DIAPH1: variants seen among roughly 807,000 people sequenced by gnomAD.
The protein encoded by DIAPH1 is diaphanous related formin 1.
Under a neutral mutation model 140.7 loss-of-function variants are expected in DIAPH1, and 46 were observed. The observed-to-expected ratio is 0.33, with a 90% CI of 0.26 to 0.42. The LOEUF (loss-of-function observed/expected upper bound fraction) is 0.42, where lower values mean the gene tolerates loss of function less well. DIAPH1 is among the 10% of genes least tolerant of loss of function. DIAPH1 has a pLI of 1.00. For missense variants in DIAPH1, 1,310 were observed against 1,558.7 expected (o/e 0.84, Z 2.69); for synonymous variants, 565 against 551.6 (o/e 1.02, Z -0.34).
chr5:141,563,327 T>G (rs977243022), intron 18 of DIAPH1: 4 of 152,194 alleles, frequency 2.6e-5, no homozygotes, highest in African/African-American at 9.7e-5. Flanking sequence ...TGTTTCCTAA[T>G]CAATCTCATA....
At chr5:141,517,029 T>C (rs368448851) in intron 27 of DIAPH1, 21 bp from the exon 28 acceptor site, 66 of 1,613,862 alleles carry the variant, frequency 4.1e-5, no homozygotes, top group Non-Finnish European at 5.3e-5. Flanking sequence ...AGACGAGAGA[T>C]TCTGTCTATG....
At chr5:141,527,518 A>C (rs369611374) in intron 24 of DIAPH1, 55 bp downstream of exon 24, 7 of 1,603,062 alleles carry the variant, frequency 4.4e-6, no homozygotes, top group Non-Finnish European at 6.0e-6. Flanking sequence ...CCCCCACTAC[A>C]GGAAGTTTTC....
intron 1 of DIAPH1, among the ~76,000 whole-genome samples, chr5:141,606,163 GAAA>G (rs2099900915): frequency 6.6e-6 from 1 of 151,998 alleles, no homozygotes; most frequent in African/African-American, 2.4e-5. Context: ...ATGTGCTTAT[GAAA>G]AAAATGGTGC....
In DIAPH1 at chr5:141,527,405, G is replaced by A. The variant is rs1216932600; in HGVS notation, c.3273+168C>T. Among the ~76,000 whole-genome samples, 3 of 152,090 alleles carry A rather than the reference G, an allele frequency of 2.0e-5. No homozygotes were observed. The East Asian group carries it at 5.8e-4, about 29-fold the overall frequency. On this transcript the variant is annotated intron_variant, in intron 24 of 27. Coordinates refer to ENST00000389054, the MANE Select transcript of DIAPH1 (RefSeq NM_005219.5). The stretch of plus-strand genomic sequence containing the variant: ...CACTCCAGCCTGGGTGACACAGAGA[G>A]AGCCTGTCTCAAAATACTAACAAAC...
Position 141,529,784 on chromosome 5 carries a change from C to T in DIAPH1, c.2582-87G>A. The T allele has an allele frequency of 5.8e-6, 7 of 1,206,140 alleles. No individual in the cohort carries two copies. The East Asian group carries it at 1.7e-4, about 29-fold the overall frequency. The allele number at this position is 1,206,140 out of a possible 1,614,324, so 74.7% of individuals were successfully genotyped here. A position where few individuals can be genotyped will look rare whatever the true frequency, so the allele number is the denominator to read the frequency against. On this transcript the variant is annotated intron_variant, in intron 19 of 27. Coordinates refer to ENST00000389054, the MANE Select transcript of DIAPH1 (RefSeq NM_005219.5). ...CTGCAAACCTATGCTGGATAATCTT[C>T]CTAACAGGGCTCTTTTAGGCCAGGC...
rs142169725 is a variant in DIAPH1 at position 141,555,563 on chromosome 5, G to A, written c.2482+15865C>T. Reference sequence around the variant, plus strand: ...GGTTCCAGCCCCCATTTTCATAAGAGCAAAGATGAGAAGTCCAGAACAAAG... The same window carrying A: ...GGTTCCAGCCCCCATTTTCATAAGAACAAAGATGAGAAGTCCAGAACAAAG... On this transcript the variant is annotated intron_variant, in intron 18 of 27. Transcript: ENST00000389054. 7.1e-3 allele frequency among the ~76,000 whole-genome samples: 1,088 copies of A among 152,276 alleles called. 53 individuals are homozygous for A. Among genetic ancestry groups the A allele is most frequent in the Admixed American group, 0.067 (1,024 of 15,300 alleles).
chr5:141,568,697 T>C (rs1020516505), intron 18 of DIAPH1, among the ~76,000 whole-genome samples: 4 of 152,184 alleles, frequency 2.6e-5, no homozygotes, highest in Non-Finnish European at 5.9e-5. Flanking sequence ...GCAGGTGCTT[T>C]CTTCAATGCC....
chr5:141,551,267 T>C (rs533021946), intron 18 of DIAPH1, among the ~76,000 whole-genome samples: 6 of 152,042 alleles, frequency 3.9e-5, no homozygotes, highest in South Asian at 2.1e-4. Context: ...CTGGGCAACA[T>C]AGTGAGACCA....
chr5:141,555,467 C>A (rs192458513), intron 18 of DIAPH1, among the ~76,000 whole-genome samples: 68 of 152,272 alleles, frequency 4.5e-4, no homozygotes, highest in Middle Eastern at 6.8e-3. Flanking sequence ...TCCCAGCCTT[C>A]TTACAGGAAT....
chr5:141,572,856 A>G (rs1022366138), intron 16 of DIAPH1, among the ~76,000 whole-genome samples: 5 of 152,196 alleles, frequency 3.3e-5, no homozygotes, highest in Non-Finnish European at 7.3e-5. Flanking sequence ...CTTTGGGATC[A>G]GCACAATTAT....
chr5:141,521,774 G>C (rs1426146385), intron 27 of DIAPH1, among the ~76,000 whole-genome samples: 1 of 152,166 alleles, frequency 6.6e-6, no homozygotes, highest in Non-Finnish European at 1.5e-5. Context: ...TAGCTGCATA[G>C]AGAAACCTAT....
chr5:141,565,914 T>C lies in DIAPH1; in HGVS notation c.2482+5514A>G, dbSNP rs2099894298. On this transcript the variant is annotated intron_variant, in intron 18 of 27. Transcript: ENST00000389054. This position sits in a 1 kb window ranked among gnomAD's most constrained non-coding sequence, Gnocchi z 4.3. ...CCAGTTTTGTGGTATTCTCCAGCCA[T>C]GTTCAGTTGCACAGCTACAGGAGCA... 6.6e-6 allele frequency among the ~76,000 whole-genome samples: 1 copy of C among 152,182 alleles called. No homozygotes were observed. Among genetic ancestry groups the C allele is most frequent in the African/African-American group, 2.4e-5 (1 of 41,440 alleles).
chr5:141,606,846 C>G (rs902942738), intron 1 of DIAPH1, among the ~76,000 whole-genome samples: 2 of 151,838 alleles, frequency 1.3e-5, no homozygotes, highest in African/African-American at 4.8e-5. Context: ...TAGTGATTCT[C>G]TCTGCCCCAT....
chr5:141,555,717 A>G (rs984484736), intron 18 of DIAPH1, among the ~76,000 whole-genome samples: 2 of 152,144 alleles, frequency 1.3e-5, no homozygotes, highest in African/African-American at 4.8e-5. Flanking sequence ...AAAAGAGGAA[A>G]ATTTTTTCTG....
chr5:141,553,081 G>A (rs1324868192), intron 18 of DIAPH1, among the ~76,000 whole-genome samples: 1 of 151,912 alleles, frequency 6.6e-6, no homozygotes, highest in Non-Finnish European at 1.5e-5. Flanking sequence ...TTAAGGTTAG[G>A]AGTTCAAGAC....
chr5:141,610,886 G>T (rs2099901724), intron 1 of DIAPH1, among the ~76,000 whole-genome samples: 1 of 150,918 alleles, frequency 6.6e-6, no homozygotes, highest in Non-Finnish European at 1.5e-5. Context: ...ACCAGCCTGG[G>T]CAACATAGTG....
rs772170415 is a variant in DIAPH1, at chr5:141,553,853, A to AT, written c.2482+17574dup. On this transcript the variant is annotated intron_variant, in intron 18 of 27. Coordinates refer to ENST00000389054, the MANE Select transcript of DIAPH1 (RefSeq NM_005219.5). ...GAAGCCAACAGTTTTGGCTTAAAAC[A>AT]TTTTTTTTAAGACCAGTTAAATTCA... Among the ~76,000 whole-genome samples the AT allele has an allele frequency of 1.4e-4, 21 of 152,148 alleles. No homozygotes were observed. In the South Asian group the frequency reaches 1.4e-3, roughly 11 times the overall value.
chr5:141,576,437 T>C (rs1303965016), intron 13 of DIAPH1, 143 bp from the exon 14 acceptor site: 4 of 775,216 alleles, frequency 5.2e-6, no homozygotes, highest in African/African-American at 3.5e-5. Flanking sequence ...AATGGAACTT[T>C]CAGTTAAGTT....
intron 18 of DIAPH1, among the ~76,000 whole-genome samples, chr5:141,570,159 T>TG (rs112989539): frequency 0.013 from 1,508 of 119,580 alleles, 28 homozygotes; most frequent in African/African-American, 0.046. Flanking sequence ...GGGATGGGGG[T>TG]GGGGGGAGAA....
Sources: allele counts gnomAD v4.1 joint callset (sites outside exome capture counted in the v4.1 genomes callset), GRCh38; gene constraint gnomAD v4.1.1; non-coding constraint Gnocchi (gnomAD v3.1); transcripts MANE v1.5; gene names NCBI Gene and HGNC (gene_info 2026-07-23, HGNC 2026-07-21).